Variants in SDK1 observed in about 807,000 individuals in gnomAD.
SDK1 encodes sidekick cell adhesion molecule 1, also known as protein sidekick-1.
A neutral mutation model predicts 245.5 loss-of-function variants in SDK1; 157 were observed. The ratio of observed to expected loss-of-function variants is 0.64; its 90% CI spans 0.56 to 0.73. The LOEUF is 0.73. Among genes scored for constraint, SDK1 ranks in the 30% least tolerant of loss-of-function variants. SDK1 has a pLI of 0.00. For missense variants in SDK1, 3,583 were observed against 3,002.3 expected (o/e 1.19, Z -4.52); for synonymous variants, 1,647 against 1,278.5 (o/e 1.29, Z -6.15).
chr7:3,521,890 C>T (rs895036999), intron 1 of SDK1, among the ~76,000 whole-genome samples: 8 of 151,948 alleles, frequency 5.3e-5, no homozygotes, highest in Non-Finnish European at 7.4e-5. Context: ...AAGATTTGAG[C>T]GAGATAGTAA....
intron 4 of SDK1, among the ~76,000 whole-genome samples, chr7:3,656,281 G>T (rs1043092062): frequency 6.6e-5 from 10 of 152,146 alleles, no homozygotes; most frequent in Admixed American, 2.0e-4. Context: ...TCCTAAGAGA[G>T]ACATTTTTGC....
At chr7:3,714,415 A>G (rs1446066104) in intron 4 of SDK1, among the ~76,000 whole-genome samples, 1 of 152,200 alleles carries the variant, frequency 6.6e-6, no homozygotes, top group Non-Finnish European at 1.5e-5. Context: ...TCAACCTGTC[A>G]ATTACCTGTT....
At chr7:3,384,227 C>T (rs1781556382) in intron 1 of SDK1, among the ~76,000 whole-genome samples, 1 of 152,014 alleles carries the variant, frequency 6.6e-6, no homozygotes, top group Non-Finnish European at 1.5e-5. Flanking sequence ...TAAAATTGAT[C>T]TTCCAGTATT....
intron 2 of SDK1, among the ~76,000 whole-genome samples, chr7:3,626,019 T>C (rs1301061805): frequency 6.7e-6 from 1 of 150,088 alleles, no homozygotes; most frequent in Non-Finnish European, 1.5e-5. Flanking sequence ...TCATAGCTCA[T>C]TGCAGCCTGG....
intron 4 of SDK1, among the ~76,000 whole-genome samples, chr7:3,665,786 C>G (rs1263433406): frequency 6.6e-6 from 1 of 152,168 alleles, no homozygotes; most frequent in African/African-American, 2.4e-5. Context: ...AGTCTGGAGA[C>G]AAAAGTGATA....
chr7:3,508,654 T>G (rs1159977100), intron 1 of SDK1, among the ~76,000 whole-genome samples: 1 of 152,160 alleles, frequency 6.6e-6, no homozygotes, highest in Non-Finnish European at 1.5e-5. Flanking sequence ...GAGATTGCAA[T>G]TTAGATAGCT....
intron 4 of SDK1, among the ~76,000 whole-genome samples, chr7:3,664,671 C>T (rs1206205470): frequency 6.7e-6 from 1 of 149,874 alleles, no homozygotes; most frequent in South Asian, 2.1e-4. Flanking sequence ...ACCCAGGAGG[C>T]AGAGGTTGCA....
At chr7:3,510,194 G>A (rs952869694) in intron 1 of SDK1, among the ~76,000 whole-genome samples, 5 of 152,188 alleles carry the variant, frequency 3.3e-5, no homozygotes, top group African/African-American at 9.7e-5. Flanking sequence ...AAACCATTAT[G>A]TGCTGCTAGT....
rs571983832 is a variant in SDK1 at position 3,809,162 on chromosome 7, G to T, written c.714-12288G>T. On this transcript the variant is annotated intron_variant, in intron 4 of 44. Transcript: ENST00000404826. The stretch of plus-strand genomic sequence containing the variant: ...GCTTCTAATCATGGCAGAAGGCAAA[G>T]GGGGAGGAGGCGCGCTACATGGCGA... Among the ~76,000 whole-genome samples the T allele has an allele frequency of 3.3e-5, 5 of 152,248 alleles. No homozygotes were observed. The South Asian group carries it at 1.0e-3, about 32-fold the overall frequency.
intron 19 of SDK1, among the ~76,000 whole-genome samples, chr7:4,062,568 A>C (rs75268542): frequency 6.6e-6 from 1 of 152,210 alleles, no homozygotes; most frequent in African/African-American, 2.4e-5. Flanking sequence ...AACTATTCCA[A>C]AAAATTAAAG....
intron 29 of SDK1, 112 bp from the exon 30 acceptor site, chr7:4,149,150 G>A (rs191632978): frequency 4.1e-6 from 3 of 735,206 alleles, no homozygotes; most frequent in East Asian, 3.4e-5. Context: ...AGGCATGCAG[G>A]CAGCTCTCAT....
chr7:4,065,675 A>T (rs1427077617), intron 19 of SDK1, among the ~76,000 whole-genome samples: 1 of 120,830 alleles, frequency 8.3e-6, no homozygotes, highest in East Asian at 2.7e-4. Flanking sequence ...TCAAAGTTTC[A>T]CCCAGATGAG....
intron 1 of SDK1, among the ~76,000 whole-genome samples, chr7:3,500,434 G>T (rs895992115): frequency 6.6e-6 from 1 of 151,872 alleles, no homozygotes; most frequent in Non-Finnish European, 1.5e-5. Context: ...ATTCTTGGTG[G>T]GAAATAATTT....
At chr7:4,091,334 CTTTT>C (rs61065472) in intron 22 of SDK1, among the ~76,000 whole-genome samples, 1 of 108,260 alleles carries the variant, frequency 9.2e-6, no homozygotes, top group East Asian at 2.5e-4. Flanking sequence ...CTTTTCTTTT[CTTTT>C]TTTTTTTTTT....
At chr7:3,462,281 T>C (rs1160730762) in intron 1 of SDK1, among the ~76,000 whole-genome samples, 1 of 152,108 alleles carries the variant, frequency 6.6e-6, no homozygotes, top group Non-Finnish European at 1.5e-5. Flanking sequence ...TGCCTTGGTT[T>C]CCCTCCTAAA....
chr7:3,498,482 A>C (rs1782091893), intron 1 of SDK1, among the ~76,000 whole-genome samples: 1 of 152,194 alleles, frequency 6.6e-6, no homozygotes. Context: ...TAAATGATAC[A>C]TGTTAAGTGC....
At chr7:3,936,115 G>A (rs1780150189) in intron 5 of SDK1, among the ~76,000 whole-genome samples, 1 of 152,172 alleles carries the variant, frequency 6.6e-6, no homozygotes, top group African/African-American at 2.4e-5. Flanking sequence ...GGATGTTATG[G>A]TAAGTGAATT....
At chr7:4,175,085 C>T (rs771714386) in intron 33 of SDK1, among the ~76,000 whole-genome samples, 2 of 147,724 alleles carry the variant, frequency 1.4e-5, no homozygotes, top group Non-Finnish European at 2.9e-5. Flanking sequence ...GCCTACCTCA[C>T]GCGCCAATGC....
chr7:4,192,692 T>G (rs1783279865), intron 35 of SDK1, among the ~76,000 whole-genome samples: 2 of 152,134 alleles, frequency 1.3e-5, no homozygotes, highest in Non-Finnish European at 2.9e-5. Context: ...AGTCAAAACA[T>G]GTACGTGACT....
Sources: allele counts gnomAD v4.1 joint callset (sites outside exome capture counted in the v4.1 genomes callset), GRCh38; gene constraint gnomAD v4.1.1; transcripts MANE v1.5; gene names NCBI Gene and HGNC (gene_info 2026-07-23, HGNC 2026-07-21).